Variants in LPAR3 observed in about 807,000 individuals in gnomAD.
The protein encoded by LPAR3 is lysophosphatidic acid receptor 3, also known as LPA receptor 3.
Under a neutral mutation model 17.8 loss-of-function variants are expected in LPAR3, and 7 were observed. The ratio of observed to expected loss-of-function variants is 0.39; its 90% CI spans 0.22 to 0.74. The LOEUF is 0.74. Ranked by LOEUF, LPAR3 falls within the 30% of genes least tolerant of loss-of-function variation. LPAR3 has a pLI of 0.40. For synonymous variants in LPAR3, 179 were observed against 179.9 expected, an observed-to-expected ratio of 0.99 and a Z score of 0.04; for missense variants, 391 against 453.4, an observed-to-expected ratio of 0.86 and a Z score of 1.25.
At chr1:84,863,811 ACCT>A (rs2102764482) in intron 2 of LPAR3, among the ~76,000 whole-genome samples, 2 of 151,226 alleles carry the variant, frequency 1.3e-5, no homozygotes, top group African/African-American at 4.9e-5. Flanking sequence ...TTCCCCCAAA[ACCT>A]CCTCCTCTTC....
chr1:84,847,234 C>T (rs1659609550), intron 2 of LPAR3, among the ~76,000 whole-genome samples: 1 of 152,130 alleles, frequency 6.6e-6, no homozygotes, highest in Admixed American at 6.5e-5. Context: ...TTTTTCACTG[C>T]TTTCATAGTA....
chr1:84,873,086 C>A (rs903089094), intron 1 of LPAR3, among the ~76,000 whole-genome samples: 35 of 152,106 alleles, frequency 2.3e-4, no homozygotes, highest in African/African-American at 8.5e-4. Context: ...ACCTGAAAAA[C>A]GGTCACAGCC....
At chr1:84,835,976 TATGAATATGA>T (rs1298245189) in intron 2 of LPAR3, among the ~76,000 whole-genome samples, 1 of 150,820 alleles carries the variant, frequency 6.6e-6, no homozygotes, top group Non-Finnish European at 1.5e-5. Context: ...CCTGGTGTTG[TATGAATATGA>T]ATGCCCCCCC....
intron 1 of LPAR3, among the ~76,000 whole-genome samples, chr1:84,881,085 C>A (rs1041456510): frequency 6.6e-6 from 1 of 152,190 alleles, no homozygotes; most frequent in Non-Finnish European, 1.5e-5. Flanking sequence ...TTTGTCAGAA[C>A]AAAGAACAGA....
chr1:84,867,160 C>G (rs1394261461), intron 1 of LPAR3, among the ~76,000 whole-genome samples: 2 of 152,228 alleles, frequency 1.3e-5, no homozygotes, highest in Non-Finnish European at 2.9e-5. Context: ...GGGATCTTGG[C>G]CAAGGAAGGG....
chr1:84,863,523 T>C (rs1659979747), intron 2 of LPAR3, among the ~76,000 whole-genome samples: 2 of 152,214 alleles, frequency 1.3e-5, no homozygotes, highest in Admixed American at 1.3e-4. Flanking sequence ...CTTTGCTGGC[T>C]GCCCCTTACC....
rs1283763123 is a variant in LPAR3 at position 84,812,113 on chromosome 1, C to T, written c.*1733G>A. 2.6e-5 allele frequency: 4 copies of T among 152,188 alleles called. No homozygotes were observed. The highest frequency in any genetic ancestry group is 9.7e-5 in the African/African-American group (4 of 41,432). 9.4% of individuals were successfully genotyped at this position (152,188 alleles called of 1,614,324 possible). ...AAATTATTCTACATGCTAAATCCAA[C>T]ATGCCACCAGTTGGTATGGAGGTAA... On this transcript the variant is annotated 3_prime_UTR_variant, in exon 3 of 3. Coordinates refer to ENST00000370611, the MANE Select transcript of LPAR3 (RefSeq NM_012152.3).
chr1:84,882,502 G>A (rs1363114141), intron 1 of LPAR3, among the ~76,000 whole-genome samples: 2 of 152,118 alleles, frequency 1.3e-5, no homozygotes, highest in Non-Finnish European at 2.9e-5. Flanking sequence ...AATTCATCTG[G>A]AACTACAAAG....
Position 84,893,171 on chromosome 1 carries a change from C to T in LPAR3, c.-174G>A, listed in dbSNP as rs1453913661. 1 of 152,122 alleles carries T rather than the reference C, an allele frequency of 6.6e-6. No homozygotes were observed. The highest frequency in any genetic ancestry group is 2.4e-5 in the African/African-American group (1 of 41,450). 9.4% of individuals were successfully genotyped at this position (152,122 alleles called of 1,614,324 possible). On this transcript the variant is annotated 5_prime_UTR_variant, in exon 1 of 3. Transcript: ENST00000370611. ...GCGGCGGGCGGGCGGAGCGCCTCCT[C>T]TCCAGCGACCCCTGCGACGCGTCCA...
At chr1:84,879,872 A>G (rs1660331497) in intron 1 of LPAR3, among the ~76,000 whole-genome samples, 2 of 152,240 alleles carry the variant, frequency 1.3e-5, no homozygotes, top group Admixed American at 1.3e-4. Context: ...TTGAACACCC[A>G]GCAGGGAAAA....
At chr1:84,874,763 C>T (rs771799319) in intron 1 of LPAR3, among the ~76,000 whole-genome samples, 2 of 152,110 alleles carry the variant, frequency 1.3e-5, no homozygotes, top group Non-Finnish European at 2.9e-5. Flanking sequence ...GTAAAAGATG[C>T]TAATCAAAAT....
At chr1:84,843,190 T>G (rs1325717187) in intron 2 of LPAR3, among the ~76,000 whole-genome samples, 1 of 152,160 alleles carries the variant, frequency 6.6e-6, no homozygotes, top group Non-Finnish European at 1.5e-5. Flanking sequence ...ACCTTCACAT[T>G]TAAAACTCCA....
chr1:84,840,878 T>C (rs74990744), intron 2 of LPAR3, among the ~76,000 whole-genome samples: 3,530 of 152,350 alleles, frequency 0.023, 154 homozygotes, highest in African/African-American at 0.081. Flanking sequence ...ACACAGTCTT[T>C]TGCTCAAAGA....
At chr1:84,817,183 G>T (rs1391896094) in intron 2 of LPAR3, among the ~76,000 whole-genome samples, 1 of 151,820 alleles carries the variant, frequency 6.6e-6, no homozygotes. Context: ...ATACTCAAAA[G>T]ACATTCCTTT....
At chr1:84,848,273 G>A (rs1171922867) in intron 2 of LPAR3, among the ~76,000 whole-genome samples, 2 of 152,168 alleles carry the variant, frequency 1.3e-5, no homozygotes, top group African/African-American at 2.4e-5. Context: ...TGCAGGTCCC[G>A]CCAAGAAAGC....
intron 2 of LPAR3, among the ~76,000 whole-genome samples, chr1:84,847,872 C>G (rs1416257783): frequency 1.3e-5 from 2 of 152,236 alleles, no homozygotes; most frequent in African/African-American, 4.8e-5. Flanking sequence ...ATTTAAGCAC[C>G]TGATTGCTAA....
At chr1:84,849,566 A>G (rs577923083) in intron 2 of LPAR3, among the ~76,000 whole-genome samples, 42 of 151,962 alleles carry the variant, frequency 2.8e-4, no homozygotes, top group African/African-American at 9.9e-4. Context: ...TGTCTCCCTG[A>G]CTCATTGGTG....
chr1:84,866,054 C>T lies in LPAR3; in HGVS notation c.67G>A (p.Asp23Asn), dbSNP rs772098260. 6.8e-6 allele frequency: 11 copies of T among 1,613,738 alleles called. No individual in the cohort carries two copies. The highest frequency in any genetic ancestry group is 9.3e-6 in the Non-Finnish European group (11 of 1,179,898). The change falls in exon 2 of 3, where the codon GAT becomes AAT. Residue 23 changes from aspartate to asparagine, a missense_variant. Coordinates refer to ENST00000370611, the MANE Select transcript of LPAR3 (RefSeq NM_012152.3). The part of the protein sequence containing the change: ...FYNRSNTDTV[D>N]DWTGTKLVIV... Reference sequence around the variant, plus strand: ...ACAAGCTTTGTTCCTGTCCAGTCATCGACAGTATCAGTGTTGCTCCTATTA... The same window carrying T: ...ACAAGCTTTGTTCCTGTCCAGTCATTGACAGTATCAGTGTTGCTCCTATTA...
At chr1:84,864,684 G>A (rs2102764824) in intron 2 of LPAR3, among the ~76,000 whole-genome samples, 1 of 152,232 alleles carries the variant, frequency 6.6e-6, no homozygotes, top group South Asian at 2.1e-4. Context: ...TTGGGACGCT[G>A]AGGCAGGAGA....
Sources: allele counts gnomAD v4.1 joint callset (sites outside exome capture counted in the v4.1 genomes callset), GRCh38; gene constraint gnomAD v4.1.1; transcripts MANE v1.5; gene names NCBI Gene and HGNC (gene_info 2026-07-23, HGNC 2026-07-21).